The following TNFRSF8 variants were observed in gnomAD, a reference collection of about 807,000 sequenced individuals.
TNFRSF8 encodes TNF receptor superfamily member 8.
Under a neutral mutation model 70.8 loss-of-function variants are expected in TNFRSF8, and 26 were observed. The ratio of observed to expected loss-of-function variants is 0.37; its 90% CI spans 0.27 to 0.51. The LOEUF is 0.51. Among genes scored for constraint, TNFRSF8 ranks in the 20% least tolerant of loss-of-function variants. The pLI is 0.94. For missense variants in TNFRSF8, 720 were observed against 807.9 expected (o/e 0.89, Z 1.32); for synonymous variants, 356 against 339.2 (o/e 1.05, Z -0.54).
chr1:12,111,379 A>T (rs1462399666), intron 6 of TNFRSF8, among the ~76,000 whole-genome samples: 1 of 151,632 alleles, frequency 6.6e-6, no homozygotes, highest in Non-Finnish European at 1.5e-5. Context: ...ACGGGGTTTC[A>T]CCATGTTGGC....
rs757123526 is a variant in TNFRSF8 at position 12,104,407 on chromosome 1, A to C, written c.297A>C (p.Ala99=). ...ACCTCGTGGAGAAGACGCCGTGTGC[A>C]TGGAACTCCTCCCGTGTCTGCGAAT... ...RDDLVEKTPC[A]WNSSRVCECR... The change falls in exon 4 of 15, where the codon GCA becomes GCC. Residue 99 remains alanine, a synonymous_variant. Transcript: ENST00000263932. 1.2e-5 allele frequency: 19 copies of C among 1,613,912 alleles called. No individual in the cohort carries two copies. The highest frequency in any genetic ancestry group is 1.6e-4 in the Middle Eastern group (1 of 6,084).
chr1:12,098,456 G>A (rs564805147), intron 3 of TNFRSF8, among the ~76,000 whole-genome samples: 46 of 152,202 alleles, frequency 3.0e-4, no homozygotes, highest in Admixed American at 1.6e-3. Flanking sequence ...TGGCTGACAC[G>A]CCTCTACCTC....
rs1338948076 is a variant in TNFRSF8, at chr1:12,141,198, C to T, written c.1544-1089C>T. ...ATCCGAGGGGTATAACTGCATTACC[C>T]AGAAAGGCAGGGGTCCCTGCACCCC... On this transcript the variant is annotated intron_variant, in intron 14 of 14. Transcript: ENST00000263932. The surrounding 1 kb of genome is among the most constrained non-coding windows in gnomAD (Gnocchi z 5.4). 6.6e-6 allele frequency among the ~76,000 whole-genome samples: 1 copy of T among 152,016 alleles called. No homozygotes were observed. The highest frequency in any genetic ancestry group is 2.1e-4 in the South Asian group (1 of 4,822).
chr1:12,117,721 T>C (rs1641758359), intron 8 of TNFRSF8, among the ~76,000 whole-genome samples: 1 of 152,140 alleles, frequency 6.6e-6, no homozygotes, highest in South Asian at 2.1e-4. Flanking sequence ...ATGTATGGGG[T>C]ACAAGTGTAA....
At chr1:12,131,087 T>G (rs1271079493) in intron 12 of TNFRSF8, among the ~76,000 whole-genome samples, 1 of 152,182 alleles carries the variant, frequency 6.6e-6, no homozygotes, top group Non-Finnish European at 1.5e-5. Flanking sequence ...CATCCTGGGC[T>G]TTTCCTGAAC....
chr1:12,131,563 A>G (rs1387444865), intron 12 of TNFRSF8, among the ~76,000 whole-genome samples: 1 of 152,122 alleles, frequency 6.6e-6, no homozygotes, highest in Non-Finnish European at 1.5e-5. Context: ...GCCATGGTAC[A>G]ATCATGGCTC....
intron 4 of TNFRSF8, among the ~76,000 whole-genome samples, chr1:12,106,065 A>C (rs1240386033): frequency 6.6e-6 from 1 of 151,906 alleles, no homozygotes; most frequent in African/African-American, 2.4e-5. Flanking sequence ...TTTTGTACAT[A>C]ATGTCCAGGG....
At chr1:12,105,855 C>T (rs1186202016) in intron 4 of TNFRSF8, among the ~76,000 whole-genome samples, 1 of 150,350 alleles carries the variant, frequency 6.7e-6, no homozygotes, top group Non-Finnish European at 1.5e-5. Flanking sequence ...AGGAGAACCA[C>T]TTGAACCTGG....
At position 12,102,999 on chromosome 1, in the gene TNFRSF8, G is replaced by T. The variant is rs11569843; in HGVS notation, c.269-1380G>T. On this transcript the variant is annotated intron_variant, in intron 3 of 14. Transcript: ENST00000263932. ...TAACGGTGTGGGACATTTTTCATGT[G>T]TTTATTGGCCAGCTGTGTATCTTCT... is the stretch of plus-strand genomic sequence containing the variant. Among the ~76,000 whole-genome samples, 769 of 152,210 alleles carry T rather than the reference G, an allele frequency of 5.1e-3. 11 individuals carry two copies. Among genetic ancestry groups the T allele is most frequent in the African/African-American group, 0.018 (742 of 41,530 alleles).
intron 13 of TNFRSF8, among the ~76,000 whole-genome samples, chr1:12,137,372 C>T (rs919072417): frequency 3.9e-5 from 6 of 151,988 alleles, no homozygotes; most frequent in Non-Finnish European, 7.4e-5. Flanking sequence ...CTAAAAGATA[C>T]GCCCTCTGTG....
chr1:12,106,527 G>C (rs1180692805), intron 4 of TNFRSF8, among the ~76,000 whole-genome samples: 2 of 152,120 alleles, frequency 1.3e-5, no homozygotes, highest in Admixed American at 1.3e-4. Context: ...CATGCCCCTG[G>C]TGTCCATCAA....
rs1244488033 is a variant in TNFRSF8 at position 12,110,008 on chromosome 1, A to G, written c.513-33A>G. ...CAGGCCTCCCTTGCCCCATTGGCAG[A>G]ATTATCAGTCCCATCTCTGGCTTCT... On this transcript the variant is annotated intron_variant, in intron 5 of 14. Coordinates refer to ENST00000263932, the MANE Select transcript of TNFRSF8 (RefSeq NM_001243.5). The surrounding 1 kb of genome is among the most constrained non-coding windows in gnomAD (Gnocchi z 4.0). 2.5e-6 allele frequency: 4 copies of G among 1,606,506 alleles called. No individual in the cohort carries two copies. The South Asian group carries it at 4.5e-5, about 18-fold the overall frequency.
intron 3 of TNFRSF8, among the ~76,000 whole-genome samples, chr1:12,101,865 G>A (rs1449830437): frequency 2.0e-5 from 3 of 152,000 alleles, no homozygotes; most frequent in Non-Finnish European, 4.4e-5. Flanking sequence ...AGGAGAGGCG[G>A]GATTTCACCA....
intron 6 of TNFRSF8, among the ~76,000 whole-genome samples, 174 bp from the exon 7 acceptor site, chr1:12,111,724 C>T (rs140944032): frequency 8.5e-5 from 13 of 152,276 alleles, no homozygotes; most frequent in Admixed American, 2.6e-4. Context: ...GTGGAATGCA[C>T]GCAGCATTCC....
At chr1:12,074,128 G>A (rs1640895442) in intron 1 of TNFRSF8, among the ~76,000 whole-genome samples, 2 of 152,014 alleles carry the variant, frequency 1.3e-5, no homozygotes, top group East Asian at 1.9e-4. Context: ...AGTGAGGATC[G>A]ACCAGTTGCT....
At chr1:12,101,791 C>T (rs1051920465) in intron 3 of TNFRSF8, among the ~76,000 whole-genome samples, 1 of 152,122 alleles carries the variant, frequency 6.6e-6, no homozygotes, top group South Asian at 2.1e-4. Flanking sequence ...CCTGTCTTAG[C>T]CTCTCAAGTA....
intron 2 of TNFRSF8, among the ~76,000 whole-genome samples, chr1:12,089,108 GAAAT>G (rs1051611672): frequency 6.6e-6 from 1 of 151,980 alleles, no homozygotes; most frequent in African/African-American, 2.4e-5. Flanking sequence ...AAAAAAAAGA[GAAAT>G]AAACATTTGT....
chr1:12,068,640 G>A (rs1185107658), intron 1 of TNFRSF8, among the ~76,000 whole-genome samples: 1 of 152,162 alleles, frequency 6.6e-6, no homozygotes, highest in East Asian at 1.9e-4. Flanking sequence ...GTTACTCCCT[G>A]AATGCCTAAG....
intron 2 of TNFRSF8, among the ~76,000 whole-genome samples, chr1:12,085,115 T>G (rs1224179039): frequency 1.3e-5 from 2 of 152,158 alleles, no homozygotes; most frequent in South Asian, 4.1e-4. Flanking sequence ...TTATTTTTAT[T>G]TTTATTTTTT....
Sources: allele counts gnomAD v4.1 joint callset (sites outside exome capture counted in the v4.1 genomes callset), GRCh38; gene constraint gnomAD v4.1.1; non-coding constraint Gnocchi (gnomAD v3.1); transcripts MANE v1.5; gene names NCBI Gene and HGNC (gene_info 2026-07-23, HGNC 2026-07-21).